The following SIPA1L2 variants were observed in gnomAD, a reference collection of about 807,000 sequenced individuals.
The protein encoded by SIPA1L2 is signal induced proliferation associated 1 like 2, also known as signal-induced proliferation-associated 1-like protein 2.
SIPA1L2 carries 56 observed loss-of-function variants against 163.9 expected under a neutral mutation model. The observed-to-expected ratio is 0.34, with a 90% CI of 0.28 to 0.43. The LOEUF is 0.43. SIPA1L2 is among the 20% of genes least tolerant of loss of function. The probability of loss-of-function intolerance (pLI) is 1.00; values close to 1 mark genes in which losing one functional copy is unlikely to be tolerated. For synonymous variants in SIPA1L2, 877 were observed against 865.7 expected (o/e 1.01, Z -0.23); for missense variants, 1,974 against 2,193.5 (o/e 0.90, Z 2.00).
intron 18 of SIPA1L2, 89 bp from the exon 19 acceptor site, chr1:232,415,714 TC>T: frequency 6.4e-7 from 1 of 1,570,580 alleles, no homozygotes; most frequent in Non-Finnish European, 8.7e-7. Context: ...CCACTGCCCC[TC>T]CCAGAGTCAG....
At chr1:232,495,052 C>T (rs1002755007) in intron 3 of SIPA1L2, among the ~76,000 whole-genome samples, 7 of 152,260 alleles carry the variant, frequency 4.6e-5, no homozygotes, top group South Asian at 2.1e-4. Flanking sequence ...GAATAAGAAA[C>T]GTTGCTGAGA....
rs76570586 is a variant in SIPA1L2 at position 232,621,312 on chromosome 1, A to G, written c.-319+8557T>C. On this transcript the variant is annotated intron_variant, in intron 1 of 22. Transcript: ENST00000674635. ...GCCTCCACTTCCCCCTTTCAGTGAT[A>G]GTGAGTCGGTAATTCCGCCATTCTT... Among the ~76,000 whole-genome samples the G allele has an allele frequency of 0.02, 3,035 of 152,248 alleles. 228 individuals are homozygous for G. In the East Asian group the frequency reaches 0.29, roughly 14 times the overall value.
intron 16 of SIPA1L2, 133 bp downstream of exon 16, chr1:232,432,114 A>T: frequency 1.4e-6 from 1 of 725,306 alleles, no homozygotes; most frequent in Middle Eastern, 4.0e-4. Context: ...ATCAACATTT[A>T]AAGAGTTTAA....
chr1:232,521,253 G>A (rs1220231632), intron 2 of SIPA1L2, among the ~76,000 whole-genome samples: 2 of 152,172 alleles, frequency 1.3e-5, no homozygotes, highest in African/African-American at 2.4e-5. Context: ...TCACACTGGT[G>A]TTAGGCCAAC....
rs371557664 is a variant in SIPA1L2, at chr1:232,445,515, G to A, written c.3353+14C>T. 2.3e-5 allele frequency: 37 copies of A among 1,613,152 alleles called. No homozygotes were observed. The highest frequency in any genetic ancestry group is 4.5e-5 in the East Asian group (2 of 44,882). On this transcript the variant is annotated intron_variant, in intron 11 of 22. Coordinates refer to ENST00000674635, the MANE Select transcript of SIPA1L2 (RefSeq NM_020808.5). The stretch of plus-strand genomic sequence containing the variant: ...TTACAAGGGCCCCCCTTGAGGAAAC[G>A]GAACCAGCATTACCTCGTGCCATCG...
At chr1:232,617,800 A>G (rs2102884182) in intron 1 of SIPA1L2, among the ~76,000 whole-genome samples, 1 of 152,380 alleles carries the variant, frequency 6.6e-6, no homozygotes, top group South Asian at 2.1e-4. Flanking sequence ...CAAAACTCCC[A>G]GAATGATACA....
chr1:232,413,218 A>G (rs544717137), intron 19 of SIPA1L2, among the ~76,000 whole-genome samples: 1 of 152,372 alleles, frequency 6.6e-6, no homozygotes, highest in South Asian at 2.1e-4. Flanking sequence ...CAAAAGGATT[A>G]CTATTTAACA....
At chr1:232,489,677 T>C (rs987355098) in intron 5 of SIPA1L2, among the ~76,000 whole-genome samples, 1 of 152,218 alleles carries the variant, frequency 6.6e-6, no homozygotes, top group Non-Finnish European at 1.5e-5. Context: ...TTAACCACAG[T>C]ATTATTTGGT....
At position 232,456,675 on chromosome 1, in the gene SIPA1L2, AGT is replaced by A. The variant is rs1229470675; in HGVS notation, c.3095+4210_3095+4211del. Among the ~76,000 whole-genome samples, 15 of 152,350 alleles carry A rather than the reference AGT, an allele frequency of 9.8e-5. No individual in the cohort carries two copies. The South Asian group carries it at 3.1e-3, about 32-fold the overall frequency. ...CTTCAAATGACACTGATAGAATGTC[AGT>A]CACCTTTGAAGGCCAGAGGCCAGGG... On this transcript the variant is annotated intron_variant, in intron 10 of 22. Transcript: ENST00000674635.
intron 3 of SIPA1L2, among the ~76,000 whole-genome samples, chr1:232,497,779 A>AAC (rs1666271606): frequency 6.6e-6 from 1 of 152,128 alleles, no homozygotes; most frequent in Admixed American, 6.5e-5. Flanking sequence ...GTGTTTCTCA[A>AAC]GACTCCAGCT....
intron 1 of SIPA1L2, among the ~76,000 whole-genome samples, chr1:232,596,949 G>A (rs1254672467): frequency 2.6e-5 from 4 of 152,172 alleles, no homozygotes; most frequent in African/African-American, 9.7e-5. Flanking sequence ...AAGTTAAATG[G>A]CCTAATCCTG....
chr1:232,549,847 C>CGCAGG (rs1404636189), intron 2 of SIPA1L2, among the ~76,000 whole-genome samples: 4 of 152,258 alleles, frequency 2.6e-5, no homozygotes, highest in African/African-American at 7.2e-5. Flanking sequence ...ACTATACCAC[C>CGCAGG]GCTGCCTTAG....
At chr1:232,420,092 C>T (rs527679187) in intron 18 of SIPA1L2, among the ~76,000 whole-genome samples, 1 of 152,222 alleles carries the variant, frequency 6.6e-6, no homozygotes, top group South Asian at 2.1e-4. Flanking sequence ...GAGGCCAAGG[C>T]AGGCAGATCA....
chr1:232,507,659 T>C (rs1359333237), intron 3 of SIPA1L2, among the ~76,000 whole-genome samples: 5 of 152,246 alleles, frequency 3.3e-5, no homozygotes, highest in Non-Finnish European at 5.9e-5. Context: ...ATTATGCATC[T>C]TCCCCTATTA....
intron 1 of SIPA1L2, among the ~76,000 whole-genome samples, chr1:232,587,213 C>T (rs1239167037): frequency 1.3e-5 from 2 of 152,160 alleles, no homozygotes; most frequent in Non-Finnish European, 2.9e-5. Flanking sequence ...TGAACTGATA[C>T]ACCAGGTACA....
At chr1:232,461,256 C>T in intron 9 of SIPA1L2, 95 bp from the exon 10 acceptor site, 1 of 1,485,830 alleles carries the variant, frequency 6.7e-7, no homozygotes, top group Non-Finnish European at 9.1e-7. Flanking sequence ...TGCCAGCCCT[C>T]TCCCTTGGGC....
At position 232,493,568 on chromosome 1, in the gene SIPA1L2, C is replaced by G; in HGVS notation, c.1576G>C (p.Gly526Arg). 6.2e-7 allele frequency: 1 copy of G among 1,614,146 alleles called. No individual in the cohort carries two copies. Among genetic ancestry groups the G allele is most frequent in the Non-Finnish European group, 8.5e-7 (1 of 1,180,014 alleles). ...GCCACCCTGTAGTTGAACTGGGATC[C>G]TTCTTTCTCCTTGGCATCTTCCACC... ...EKVEDAKEKE[G>R]SQFNYRVAFR... The change falls in exon 4 of 23, where the codon GGA becomes CGA. Residue 526 changes from glycine (G) to arginine (R), a missense_variant. Coordinates refer to ENST00000674635, the MANE Select transcript of SIPA1L2 (RefSeq NM_020808.5).
At chr1:232,432,548 C>G in intron 15 of SIPA1L2, 77 bp from the exon 16 acceptor site, 2 of 1,313,154 alleles carry the variant, frequency 1.5e-6, no homozygotes, top group Non-Finnish European at 1.1e-6. Context: ...TTCAGAGCCA[C>G]AAGGCTTTAC....
chr1:232,469,809 G>T, intron 8 of SIPA1L2, among the ~76,000 whole-genome samples: 2 of 149,646 alleles, frequency 1.3e-5, no homozygotes, highest in South Asian at 2.2e-4. Context: ...ATTTCTTTTA[G>T]GTTTTCTGGT....
Sources: allele counts gnomAD v4.1 joint callset (sites outside exome capture counted in the v4.1 genomes callset), GRCh38; gene constraint gnomAD v4.1.1; transcripts MANE v1.5; gene names NCBI Gene and HGNC (gene_info 2026-07-23, HGNC 2026-07-21).